Variants in RALGAPA2 observed in about 807,000 individuals in gnomAD.
RALGAPA2 encodes the protein ral GTPase-activating protein subunit alpha-2.
A neutral mutation model predicts 230.4 loss-of-function variants in RALGAPA2; 139 were observed. That is an observed-to-expected ratio of 0.60 (90% CI 0.53 to 0.69). The LOEUF is 0.69. Among genes scored for constraint, RALGAPA2 ranks in the 30% least tolerant of loss-of-function variants. The probability of loss-of-function intolerance (pLI) is 0.00; values close to 1 mark genes in which losing one functional copy is unlikely to be tolerated. For synonymous variants in RALGAPA2, 847 were observed against 837.8 expected (o/e 1.01, Z -0.19); for missense variants, 2,163 against 2,276.0 (o/e 0.95, Z 1.01).
chr20:20,402,126 T>C (rs963578257), intron 38 of RALGAPA2, among the ~76,000 whole-genome samples: 6 of 152,180 alleles, frequency 3.9e-5, no homozygotes, highest in Admixed American at 1.3e-4. Flanking sequence ...GAGGCCTAAG[T>C]GCTCGAGCTC....
chr20:20,527,646 C>G (rs1254697875), intron 27 of RALGAPA2, among the ~76,000 whole-genome samples: 1 of 152,070 alleles, frequency 6.6e-6, no homozygotes, highest in East Asian at 1.9e-4. Flanking sequence ...CTCAGCTCTT[C>G]AGCTTCATCC....
rs894720892 is a variant in RALGAPA2, at chr20:20,640,743, T to C, written c.508A>G (p.Thr170Ala). 6.2e-7 allele frequency: 1 copy of C among 1,613,966 alleles called. No individual in the cohort carries two copies. The highest frequency in any genetic ancestry group is 1.1e-5 in the South Asian group (1 of 91,080). ...CTGGGATTGATGAGTGTCTCCAGTG[T>C]GCAAGGGCCCCTGGATGACATGACT... ...PAVMSSRGPC[T>A]LETLINPSPS... is the part of the protein sequence containing the mutation. The change falls in exon 6 of 40, where the codon ACA becomes GCA. Residue 170 changes from threonine to alanine, a missense_variant. Physicochemically the swap from Thr to Ala is moderately conservative, Grantham distance 58 (BLOSUM62 0). Transcript: ENST00000202677.
intron 37 of RALGAPA2, among the ~76,000 whole-genome samples, chr20:20,416,486 A>G (rs1417052654): frequency 2.0e-5 from 3 of 152,172 alleles, no homozygotes; most frequent in African/African-American, 4.8e-5. Flanking sequence ...CTTTCATCTA[A>G]TATCTTGAAT....
At chr20:20,611,954 T>C (rs1275783083) in intron 13 of RALGAPA2, among the ~76,000 whole-genome samples, 2 of 152,110 alleles carry the variant, frequency 1.3e-5, no homozygotes, top group African/African-American at 4.8e-5. Flanking sequence ...TACAGGACAC[T>C]TACAGGCACA....
At chr20:20,617,313 T>G (rs2066178598) in intron 12 of RALGAPA2, among the ~76,000 whole-genome samples, 1 of 152,228 alleles carries the variant, frequency 6.6e-6, no homozygotes, top group Admixed American at 6.5e-5. Context: ...AAAGTTATCT[T>G]AGGTAAGATT....
In RALGAPA2 at chr20:20,514,743, C is replaced by T. The variant is rs1254356038; in HGVS notation, c.4085-1459G>A. Among the ~76,000 whole-genome samples the T allele has an allele frequency of 5.3e-5, 8 of 152,304 alleles. No individual in the cohort carries two copies. The South Asian group carries it at 1.5e-3, about 28-fold the overall frequency. ...GGCATATCTCCAGGTAGCTGCAGTG[C>T]CTGCTGATCTGGGTTACCAGCCTGA... is the stretch of plus-strand genomic sequence containing the variant. On this transcript the variant is annotated intron_variant, in intron 31 of 39. Transcript: ENST00000202677.
chr20:20,512,495 T>C lies in RALGAPA2; in HGVS notation c.4856+18A>G. 6.5e-7 allele frequency: 1 copy of C among 1,543,116 alleles called. No homozygotes were observed. Among genetic ancestry groups the C allele is most frequent in the South Asian group, 1.3e-5 (1 of 78,806 alleles). On this transcript the variant is annotated intron_variant, in intron 32 of 39. Transcript: ENST00000202677. ...AAAATAATGATAAAATAACTGGAGG[T>C]CTAGCTTGGATTGTTACCTTCTGTC... is the stretch of plus-strand genomic sequence containing the variant.
At chr20:20,680,659 GT>G (rs761764539) in intron 2 of RALGAPA2, 31 bp downstream of exon 2, 1 of 1,501,566 alleles carries the variant, frequency 6.7e-7, no homozygotes, top group East Asian at 2.4e-5. Flanking sequence ...ATGCCCGAAT[GT>G]TTTTTAAAAA....
chr20:20,600,372 G>A (rs1166696379), intron 16 of RALGAPA2, among the ~76,000 whole-genome samples: 1 of 152,180 alleles, frequency 6.6e-6, no homozygotes, highest in African/African-American at 2.4e-5. Flanking sequence ...GGAAATCAGT[G>A]AATGAGCATC....
At chr20:20,536,436 CCTG>C (rs1487836955) in intron 25 of RALGAPA2, among the ~76,000 whole-genome samples, 1 of 152,154 alleles carries the variant, frequency 6.6e-6, no homozygotes, top group Non-Finnish European at 1.5e-5. Context: ...ATAAAAAACA[CCTG>C]CTATAGCTAC....
At chr20:20,535,884 C>G in intron 25 of RALGAPA2, 81 bp from the exon 26 acceptor site, 3 of 1,473,738 alleles carry the variant, frequency 2.0e-6, no homozygotes, top group Admixed American at 2.4e-5. Context: ...TCCAGGCAGC[C>G]AGGAGCTACT....
intron 36 of RALGAPA2, among the ~76,000 whole-genome samples, chr20:20,475,187 G>A (rs750085515): frequency 6.6e-6 from 1 of 152,144 alleles, no homozygotes; most frequent in African/African-American, 2.4e-5. Flanking sequence ...CCCCTTTTCT[G>A]TGGTTGGCAT....
intron 36 of RALGAPA2, among the ~76,000 whole-genome samples, chr20:20,492,002 A>T (rs1022680350): frequency 6.6e-6 from 1 of 152,126 alleles, no homozygotes. Context: ...CAGGCACATA[A>T]TTTGTATATT....
intron 27 of RALGAPA2, among the ~76,000 whole-genome samples, chr20:20,529,727 T>A (rs976189307): frequency 6.6e-6 from 1 of 152,184 alleles, no homozygotes; most frequent in Admixed American, 6.5e-5. Flanking sequence ...CCAGAAACCA[T>A]CTAGGTTTCT....
rs1006096765 is a variant in RALGAPA2, at chr20:20,617,790, T to A, written c.1539+1487A>T. Among the ~76,000 whole-genome samples, 5 of 152,304 alleles carry A rather than the reference T, an allele frequency of 3.3e-5. No individual in the cohort carries two copies. In the East Asian group the frequency reaches 9.6e-4, roughly 29 times the overall value. On this transcript the variant is annotated intron_variant, in intron 12 of 39. Coordinates refer to ENST00000202677, the MANE Select transcript of RALGAPA2 (RefSeq NM_020343.4). ...TCGGAGAAAAGAAAGAAAATTACTG[T>A]CTTATCAAACCTCCATTTGGCCCCT... is the stretch of plus-strand genomic sequence containing the variant.
chr20:20,539,434 A>G (rs1008802652), intron 24 of RALGAPA2, among the ~76,000 whole-genome samples: 1 of 152,198 alleles, frequency 6.6e-6, no homozygotes, highest in South Asian at 2.1e-4. Flanking sequence ...TTTTAAAAAA[A>G]CATTTTGGAA....
At chr20:20,548,417 C>A (rs2063832218) in intron 23 of RALGAPA2, among the ~76,000 whole-genome samples, 1 of 151,878 alleles carries the variant, frequency 6.6e-6, no homozygotes, top group African/African-American at 2.4e-5. Flanking sequence ...TATTTACATT[C>A]TTAAAATTAC....
At position 20,630,403 on chromosome 20, in the gene RALGAPA2, T is replaced by C. The variant is rs969476760; in HGVS notation, c.1006-813A>G. 6.6e-5 allele frequency among the ~76,000 whole-genome samples: 10 copies of C among 152,190 alleles called. 1 individual carries two copies. Among genetic ancestry groups the C allele is most frequent in the African/African-American group, 1.2e-4 (5 of 41,440 alleles). On this transcript the variant is annotated intron_variant, in intron 9 of 39. Coordinates refer to ENST00000202677, the MANE Select transcript of RALGAPA2 (RefSeq NM_020343.4). ...ATTTTTTACAAGAAGAGACAAGATATGAATAGTACAAAACAGTAATTTCAG... is the reference window on the plus strand; with the variant it reads ...ATTTTTTACAAGAAGAGACAAGATACGAATAGTACAAAACAGTAATTTCAG...
In RALGAPA2 at chr20:20,576,773, T is replaced by G. The variant is rs201381827; in HGVS notation, c.2708-3705A>C. On this transcript the variant is annotated intron_variant, in intron 20 of 39. Coordinates refer to ENST00000202677, the MANE Select transcript of RALGAPA2 (RefSeq NM_020343.4). ...AGCTAGAAATTATCCTTTATTTTTA[T>G]AGATCTATTTGAATAGCATACTGTA... is the stretch of plus-strand genomic sequence containing the variant. 1.2e-4 allele frequency among the ~76,000 whole-genome samples: 19 copies of G among 152,258 alleles called. No individual in the cohort carries two copies. The East Asian group carries it at 3.1e-3, about 25-fold the overall frequency.
Sources: allele counts gnomAD v4.1 joint callset (sites outside exome capture counted in the v4.1 genomes callset), GRCh38; gene constraint gnomAD v4.1.1; transcripts MANE v1.5; gene names NCBI Gene and HGNC (gene_info 2026-07-23, HGNC 2026-07-21).